CNTNAP5: variants seen among roughly 807,000 people sequenced by gnomAD.
The protein encoded by CNTNAP5 is contactin-associated protein-like 5.
CNTNAP5 carries 72 observed loss-of-function variants against 150.2 expected under a neutral mutation model. The ratio of observed to expected loss-of-function variants is 0.48; its 90% CI spans 0.40 to 0.58. CNTNAP5 has a LOEUF of 0.58. Among genes scored for constraint, CNTNAP5 ranks in the 20% least tolerant of loss-of-function variants. The pLI, the probability that CNTNAP5 is intolerant of heterozygous loss-of-function variation, is 0.00. For synonymous variants in CNTNAP5, 672 were observed against 619.8 expected, an observed-to-expected ratio of 1.08 and a Z score of -1.25; for missense variants, 1,636 against 1,626.2, an observed-to-expected ratio of 1.01 and a Z score of -0.10.
intron 3 of CNTNAP5, among the ~76,000 whole-genome samples, chr2:124,308,239 G>C (rs1023796051): frequency 6.6e-6 from 1 of 152,136 alleles, no homozygotes; most frequent in East Asian, 1.9e-4. Flanking sequence ...TGTAGACCAA[G>C]GTTAGTTGTG....
At chr2:124,038,428 T>C (rs542221282) in intron 1 of CNTNAP5, among the ~76,000 whole-genome samples, 5 of 152,262 alleles carry the variant, frequency 3.3e-5, no homozygotes, top group African/African-American at 1.2e-4. Context: ...AAATAATTTG[T>C]TCAATGTCCA....
At chr2:124,667,939 G>C (rs1322893843) in intron 13 of CNTNAP5, among the ~76,000 whole-genome samples, 2 of 152,190 alleles carry the variant, frequency 1.3e-5, no homozygotes, top group East Asian at 3.9e-4. Context: ...ACGACCCAGA[G>C]GATGAGGAAT....
At chr2:124,781,361 C>A (rs997696682) in intron 17 of CNTNAP5, among the ~76,000 whole-genome samples, 2 of 152,182 alleles carry the variant, frequency 1.3e-5, no homozygotes, top group Admixed American at 6.5e-5. Flanking sequence ...CATGCGGAGG[C>A]AGGCCCCAGG....
Position 124,887,316 on chromosome 2 carries a change from C to T in CNTNAP5, c.3437-15566C>T, listed in dbSNP as rs565394395. Among the ~76,000 whole-genome samples, 12 of 152,132 alleles carry T rather than the reference C, an allele frequency of 7.9e-5. No homozygotes were observed. In the South Asian group the frequency reaches 2.3e-3, roughly 29 times the overall value. On this transcript the variant is annotated intron_variant, in intron 21 of 23. Coordinates refer to ENST00000682447, the MANE Select transcript of CNTNAP5 (RefSeq NM_001367498.1). ...CTATGCTTCTATGTGTTTCATAATA[C>T]ACTTCTTCTGATTAGTAATGCATCA...
At chr2:124,610,769 G>A (rs1174602689) in intron 12 of CNTNAP5, among the ~76,000 whole-genome samples, 1 of 152,060 alleles carries the variant, frequency 6.6e-6, no homozygotes, top group Non-Finnish European at 1.5e-5. Flanking sequence ...GACCATCCTG[G>A]CCAACACGGT....
intron 4 of CNTNAP5, among the ~76,000 whole-genome samples, chr2:124,420,757 C>T (rs1692082606): frequency 6.6e-6 from 1 of 152,164 alleles, no homozygotes; most frequent in Non-Finnish European, 1.5e-5. Flanking sequence ...GAGTTTCCAG[C>T]TTCCCCTTCT....
chr2:124,384,541 C>T (rs986069829), intron 3 of CNTNAP5, among the ~76,000 whole-genome samples: 13 of 152,002 alleles, frequency 8.6e-5, no homozygotes, highest in African/African-American at 3.1e-4. Flanking sequence ...CATTTTAACT[C>T]CCATTTGGAA....
chr2:124,191,876 G>C (rs762501121), intron 1 of CNTNAP5, among the ~76,000 whole-genome samples: 3 of 151,694 alleles, frequency 2.0e-5, no homozygotes, highest in Non-Finnish European at 2.9e-5. Flanking sequence ...TCCAGCCTGG[G>C]CAACAGAGCG....
chr2:124,344,362 A>C (rs1689688339), intron 3 of CNTNAP5, among the ~76,000 whole-genome samples: 1 of 150,728 alleles, frequency 6.6e-6, no homozygotes, highest in Non-Finnish European at 1.5e-5. Flanking sequence ...GTAAAATTTA[A>C]AAAAAAAAAG....
At chr2:124,729,319 A>G (rs184472937) in intron 13 of CNTNAP5, among the ~76,000 whole-genome samples, 3 of 152,234 alleles carry the variant, frequency 2.0e-5, no homozygotes, top group East Asian at 3.9e-4. Flanking sequence ...AATAATGTCT[A>G]ATTTTTGCAA....
rs574215958 is a variant in CNTNAP5 at position 124,360,322 on chromosome 2, T to A, written c.382-57121T>A. 2.2e-4 allele frequency among the ~76,000 whole-genome samples: 33 copies of A among 150,076 alleles called. No homozygotes were observed. The South Asian group carries it at 7.1e-3, about 32-fold the overall frequency. On this transcript the variant is annotated intron_variant, in intron 3 of 23. Coordinates refer to ENST00000682447, the MANE Select transcript of CNTNAP5 (RefSeq NM_001367498.1). ...AGTCCATTTACATTTAAAGTTAATATTGTTATGTGTGAATTTGATCCTGTC... is the reference window on the plus strand; with the variant it reads ...AGTCCATTTACATTTAAAGTTAATAATGTTATGTGTGAATTTGATCCTGTC...
intron 1 of CNTNAP5, among the ~76,000 whole-genome samples, chr2:124,062,209 C>A (rs1261124405): frequency 6.6e-6 from 1 of 152,174 alleles, no homozygotes; most frequent in African/African-American, 2.4e-5. Context: ...GTCCTACATG[C>A]AAAACTCTTC....
In CNTNAP5 at chr2:124,881,350, GGGTAGGTGGGTGGCAGAGTACC is replaced by G. The variant is rs1163400875; in HGVS notation, c.3436+11589_3436+11610del. 7.3e-4 allele frequency among the ~76,000 whole-genome samples: 111 copies of G among 152,172 alleles called. 1 individual carries two copies. Among genetic ancestry groups the G allele is most frequent in the African/African-American group, 2.5e-3 (103 of 41,544 alleles). On this transcript the variant is annotated intron_variant, in intron 21 of 23. Coordinates refer to ENST00000682447, the MANE Select transcript of CNTNAP5 (RefSeq NM_001367498.1). ...AATTGGAAGATTTGGGTAATTCACTGGGTAGGTGGGTGGCAGAGTACCCAGGGAAGGAATGGAGAGGACAAGA... is the reference window on the plus strand; with the variant it reads ...AATTGGAAGATTTGGGTAATTCACTGCAGGGAAGGAATGGAGAGGACAAGA...
chr2:124,618,031 A>T (rs1348307331), intron 12 of CNTNAP5, among the ~76,000 whole-genome samples: 1 of 152,160 alleles, frequency 6.6e-6, no homozygotes, highest in Non-Finnish European at 1.5e-5. Context: ...CACTGAGCTG[A>T]CTTGATAGGT....
intron 3 of CNTNAP5, among the ~76,000 whole-genome samples, chr2:124,304,384 G>A (rs1688631235): frequency 6.6e-6 from 1 of 151,554 alleles, no homozygotes; most frequent in African/African-American, 2.4e-5. Flanking sequence ...GGGAGAAATG[G>A]CAAAGTAGAC....
At position 124,563,224 on chromosome 2, in the gene CNTNAP5, C is replaced by G. The variant is rs761628797; in HGVS notation, c.1657C>G (p.Pro553Ala). 6.3e-7 allele frequency: 1 copy of G among 1,586,050 alleles called. No homozygotes were observed. Among genetic ancestry groups the G allele is most frequent in the African/African-American group, 1.3e-5 (1 of 74,454 alleles). ...DLCSIKDRCL[P>A]NYCEHGGSCS... The stretch of plus-strand genomic sequence containing the variant: ...TATGTTTTCTTCCATTAGGTGTTTG[C>G]CAAACTACTGTGAACATGGAGGAAG... The change falls in exon 11 of 24, where the codon CCA (proline) becomes GCA (alanine). Residue 553 changes from proline to alanine, a missense_variant. Transcript: ENST00000682447.
intron 13 of CNTNAP5, among the ~76,000 whole-genome samples, chr2:124,703,093 G>T (rs1374947738): frequency 6.7e-6 from 1 of 149,800 alleles, no homozygotes; most frequent in Admixed American, 6.7e-5. Flanking sequence ...TATGAATTCA[G>T]CTTTCCTTCC....
chr2:124,145,811 T>TAAAAAAAAAAAAAA (rs761766577), intron 1 of CNTNAP5, among the ~76,000 whole-genome samples: 4 of 12,780 alleles, frequency 3.1e-4, no homozygotes, highest in Admixed American at 1.1e-3. Flanking sequence ...AAAAAAAACA[T>TAAAAAAAAAAAAAA]TAAAAAAAAA....
At chr2:124,910,294 T>G (rs1249283587) in intron 22 of CNTNAP5, among the ~76,000 whole-genome samples, 1 of 152,078 alleles carries the variant, frequency 6.6e-6, no homozygotes, top group Non-Finnish European at 1.5e-5. Context: ...ATGTGCATGT[T>G]TATACACATA....
Sources: allele counts gnomAD v4.1 joint callset (sites outside exome capture counted in the v4.1 genomes callset), GRCh38; gene constraint gnomAD v4.1.1; transcripts MANE v1.5; gene names NCBI Gene and HGNC (gene_info 2026-07-23, HGNC 2026-07-21).